The following MNS1 variants were observed in gnomAD, a reference collection of about 807,000 sequenced individuals.
The protein encoded by MNS1 is meiosis specific nuclear structural 1, also known as meiosis-specific nuclear structural protein 1.
A neutral mutation model predicts 72.0 loss-of-function variants in MNS1; 63 were observed. The observed-to-expected ratio is 0.87, with a 90% CI of 0.71 to 1.08. The LOEUF is 1.08. Among genes scored for constraint, MNS1 ranks in the 50% least tolerant of loss-of-function variants. The pLI is 0.00. For synonymous variants in MNS1, 188 were observed against 172.1 expected (o/e 1.09, Z -0.72); for missense variants, 604 against 562.4 (o/e 1.07, Z -0.75).
chr15:56,442,621 T>C (rs1596261047), intron 7 of MNS1, among the ~76,000 whole-genome samples: 1 of 152,218 alleles, frequency 6.6e-6, no homozygotes, highest in South Asian at 2.1e-4. Flanking sequence ...CATTAGCCTA[T>C]GCTAATTAAT....
chr15:56,431,132 C>T (rs376435802), intron 9 of MNS1, among the ~76,000 whole-genome samples: 24 of 152,044 alleles, frequency 1.6e-4, no homozygotes, highest in Admixed American at 1.2e-3. Context: ...CCAGCCTGGG[C>T]GATAAATAAG....
chr15:56,463,749 T>G (rs1406489395), intron 2 of MNS1: 2 of 331,528 alleles, frequency 6.0e-6, no homozygotes, highest in African/African-American at 4.4e-5. Flanking sequence ...GCCACTGCAC[T>G]GCAACCTGGG....
At chr15:56,463,859 C>A in intron 2 of MNS1, 167 bp downstream of exon 2, 1 of 603,900 alleles carries the variant, frequency 1.7e-6, no homozygotes, top group Non-Finnish European at 2.9e-6. Flanking sequence ...AAAGACAGGC[C>A]GGCTCCAGAA....
chr15:56,437,198 T>C (rs937311267), intron 7 of MNS1, among the ~76,000 whole-genome samples: 1 of 152,136 alleles, frequency 6.6e-6, no homozygotes, highest in Non-Finnish European at 1.5e-5. Flanking sequence ...CTGATGAACA[T>C]TGATGCAAAA....
chr15:56,462,161 T>C (rs2051027936), intron 2 of MNS1, among the ~76,000 whole-genome samples: 2 of 152,004 alleles, frequency 1.3e-5, no homozygotes, highest in African/African-American at 2.4e-5. Flanking sequence ...TGAGCAATTG[T>C]GCTGGCCCAA....
chr15:56,443,692 ATCT>A lies in MNS1; in HGVS notation c.846_848del (p.Glu282del), dbSNP rs772432216. ...CATTTTCTTGAACTTTTGCCATCCGATCTTCTTCTCTTTGCTGCTGCATGTTAG... is the reference window on the plus strand; with the variant it reads ...CATTTTCTTGAACTTTTGCCATCCGATCTTCTCTTTGCTGCTGCATGTTAG... On this transcript the variant is annotated inframe_deletion, in exon 6 of 10. Transcript: ENST00000260453. 2.4e-5 allele frequency: 38 copies of A among 1,613,104 alleles called. No individual in the cohort carries two copies. The highest frequency in any genetic ancestry group is 1.6e-4 in the East Asian group (7 of 44,826).
intron 7 of MNS1, among the ~76,000 whole-genome samples, chr15:56,441,888 C>T (rs537536571): frequency 2.6e-5 from 4 of 151,926 alleles, no homozygotes; most frequent in South Asian, 2.1e-4. Flanking sequence ...GGCATGGTGG[C>T]GGGTGCCTGT....
At chr15:56,462,196 T>C (rs2051028054) in intron 2 of MNS1, among the ~76,000 whole-genome samples, 1 of 152,024 alleles carries the variant, frequency 6.6e-6, no homozygotes, top group Non-Finnish European at 1.5e-5. Context: ...CAGAGGAATT[T>C]CAGCTAATTA....
intron 2 of MNS1, among the ~76,000 whole-genome samples, chr15:56,459,888 G>C (rs1394819634): frequency 6.7e-6 from 1 of 149,172 alleles, no homozygotes; most frequent in East Asian, 2.0e-4. Flanking sequence ...TACTTGGAAG[G>C]CCTCGGCAGG....
chr15:56,432,252 C>G (rs1488167786), intron 8 of MNS1, among the ~76,000 whole-genome samples: 1 of 152,062 alleles, frequency 6.6e-6, no homozygotes, highest in Non-Finnish European at 1.5e-5. Flanking sequence ...AATGTTTATC[C>G]TAAAAAGAAA....
Position 56,443,793 on chromosome 15 carries a change from T to C in MNS1, c.748A>G (p.Lys250Glu), listed in dbSNP as rs1219758185. The C allele has an allele frequency of 1.2e-6, 2 of 1,612,842 alleles. No homozygotes were observed. Among genetic ancestry groups the C allele is most frequent in the South Asian group, 2.2e-5 (2 of 90,874 alleles). Reference sequence around the variant, plus strand: ...TTTTTTCTCCAGAGAGCCTGCTCTTTCTGAAACTCTTCTATATACCTTCGC... The same window carrying C: ...TTTTTTCTCCAGAGAGCCTGCTCTTCCTGAAACTCTTCTATATACCTTCGC... ...AMRRYIEEFQ[K>E]EQALWRKKKR... The change falls in exon 6 of 10, where the codon AAA becomes GAA. Residue 250 changes from lysine to glutamate, a missense_variant. Transcript: ENST00000260453.
chr15:56,464,626 T>C (rs2051046623), intron 1 of MNS1, among the ~76,000 whole-genome samples: 1 of 152,130 alleles, frequency 6.6e-6, no homozygotes. Context: ...CATAAAGTGC[T>C]GTTCAGAAGC....
chr15:56,464,912 C>A (rs1300051452), intron 1 of MNS1, 58 bp downstream of exon 1: 3 of 1,606,940 alleles, frequency 1.9e-6, no homozygotes, highest in Non-Finnish European at 2.5e-6. Flanking sequence ...CAGATGAGCG[C>A]CAAACTAGAA....
At chr15:56,463,599 T>C (rs1421967229) in intron 2 of MNS1, among the ~76,000 whole-genome samples, 2 of 151,944 alleles carry the variant, frequency 1.3e-5, no homozygotes, top group Non-Finnish European at 2.9e-5. Flanking sequence ...CTGGTCAATA[T>C]GGTGAAACCC....
chr15:56,454,323 A>G (rs575582945), intron 3 of MNS1, among the ~76,000 whole-genome samples: 82 of 152,024 alleles, frequency 5.4e-4, no homozygotes, highest in Non-Finnish European at 1.1e-3. Flanking sequence ...TGGGGTATCC[A>G]TCCCCTCAAG....
rs1007542444 is a variant in MNS1 at position 56,461,241 on chromosome 15, T to C, written c.225+2785A>G. Among the ~76,000 whole-genome samples, 8 of 150,918 alleles carry C rather than the reference T, an allele frequency of 5.3e-5. No homozygotes were observed. In the East Asian group the frequency reaches 1.6e-3, roughly 29 times the overall value. On this transcript the variant is annotated intron_variant, in intron 2 of 9. Coordinates refer to ENST00000260453, the MANE Select transcript of MNS1 (RefSeq NM_018365.4). The stretch of plus-strand genomic sequence containing the variant: ...AACCTCACAGAAACACCGAGAATGA[T>C]GTTTTATCAAATACCTAGAAACCCC...
intron 7 of MNS1, among the ~76,000 whole-genome samples, chr15:56,442,532 T>C (rs2050834479): frequency 6.6e-6 from 1 of 152,202 alleles, no homozygotes; most frequent in South Asian, 2.1e-4. Flanking sequence ...ATGTGGTACA[T>C]GTACACCACG....
At chr15:56,437,725 T>G (rs2050752678) in intron 7 of MNS1, among the ~76,000 whole-genome samples, 1 of 152,192 alleles carries the variant, frequency 6.6e-6, no homozygotes, top group Non-Finnish European at 1.5e-5. Flanking sequence ...CCCCATTGTC[T>G]CAGCCCCAAA....
At chr15:56,455,595 C>T (rs1181324693) in intron 3 of MNS1, among the ~76,000 whole-genome samples, 2 of 152,108 alleles carry the variant, frequency 1.3e-5, no homozygotes, top group Admixed American at 6.5e-5. Context: ...ATATGATTAG[C>T]ATTTACTTGG....
Sources: allele counts gnomAD v4.1 joint callset (sites outside exome capture counted in the v4.1 genomes callset), GRCh38; gene constraint gnomAD v4.1.1; transcripts MANE v1.5; gene names NCBI Gene and HGNC (gene_info 2026-07-23, HGNC 2026-07-21).